Variants in DMD observed in about 807,000 individuals in gnomAD.
DMD encodes the protein mutant dystrophin.
In DMD, 63 loss-of-function variants were observed where a neutral mutation model predicts 330.1. The observed-to-expected ratio is 0.19, with a 90% CI of 0.16 to 0.24. The LOEUF (loss-of-function observed/expected upper bound fraction) is 0.24. Ranked by LOEUF, DMD falls within the 10% of genes least tolerant of loss-of-function variation. The pLI is 1.00. For missense variants in DMD, 3,344 were observed against 2,684.1 expected, an observed-to-expected ratio of 1.25 and a Z score of -5.43; for synonymous variants, 1,223 against 959.8, an observed-to-expected ratio of 1.27 and a Z score of -5.07.
intron 7 of DMD, among the ~76,000 whole-genome samples, chrX:32,773,899 A>C (rs1264173605): frequency 9.0e-6 from 1 of 111,396 alleles, no homozygotes; most frequent in African/African-American, 3.3e-5. Flanking sequence ...CTTTAATTCC[A>C]TTTGAATTTC....
At chrX:33,177,755 T>C (rs1320711244) in intron 1 of DMD, among the ~76,000 whole-genome samples, 1 of 112,221 alleles carries the variant, frequency 8.9e-6, no homozygotes, top group Non-Finnish European at 1.9e-5. Flanking sequence ...AAGTATACAA[T>C]ACGGTATTGT....
intron 7 of DMD, among the ~76,000 whole-genome samples, chrX:32,705,076 C>A (rs766591299): frequency 9.0e-6 from 1 of 111,703 alleles, no homozygotes; most frequent in Non-Finnish European, 1.9e-5. Context: ...TGGCATTCAG[C>A]ACTGACTGCA....
intron 42 of DMD, among the ~76,000 whole-genome samples, chrX:32,291,968 C>T (rs1161191888): frequency 9.0e-6 from 1 of 111,599 alleles, no homozygotes; most frequent in African/African-American, 3.3e-5. Flanking sequence ...GATTTAAAAA[C>T]TTTTATCTCC....
rs770706970 is a variant in DMD, at chrX:32,486,856, T to C, written c.2623-1757A>G. On this transcript the variant is annotated intron_variant, in intron 20 of 78. Transcript: ENST00000357033. The stretch of plus-strand genomic sequence containing the variant: ...AACTTATACAAAAATCAATTCAAGA[T>C]GGATTAAAGATTTAAACGTTAGACC... Among the ~76,000 whole-genome samples the C allele has an allele frequency of 3.5e-3, 373 of 106,355 alleles. 3 individuals are homozygous for C. Among genetic ancestry groups the C allele is most frequent in the African/African-American group, 0.012 (352 of 29,557 alleles). The allele number at this position is 106,355 out of a possible 115,157, so 92.4% of individuals were successfully genotyped here. A position where few individuals can be genotyped will look rare whatever the true frequency, so the allele number is the denominator to read the frequency against.
intron 2 of DMD, among the ~76,000 whole-genome samples, chrX:32,880,925 C>G (rs148694912): frequency 2.7e-5 from 3 of 112,599 alleles, no homozygotes; most frequent in South Asian, 3.6e-4. Flanking sequence ...GCCTGGGCAA[C>G]GACAGCAAAA....
At chrX:32,719,905 C>T (rs61136601) in intron 7 of DMD, among the ~76,000 whole-genome samples, 12,594 of 109,520 alleles carry the variant, frequency 0.11, 1,553 homozygotes, top group African/African-American at 0.37. Context: ...GTTGTTATCC[C>T]AGCTTGCATG....
intron 1 of DMD, among the ~76,000 whole-genome samples, chrX:33,022,937 G>A (rs1569550128): frequency 9.0e-6 from 1 of 111,679 alleles, no homozygotes. Context: ...TGTGAATAGC[G>A]TCCTGGAATT....
intron 44 of DMD, among the ~76,000 whole-genome samples, chrX:32,105,971 C>T (rs1033731904): frequency 8.9e-6 from 1 of 111,756 alleles, no homozygotes; most frequent in Non-Finnish European, 1.9e-5. Context: ...TAATTGAAGG[C>T]TTTCAAAATT....
intron 9 of DMD, among the ~76,000 whole-genome samples, chrX:32,674,568 G>A (rs1447164275): frequency 2.7e-5 from 3 of 111,068 alleles, no homozygotes; most frequent in South Asian, 3.8e-4. Flanking sequence ...ATATGCGCTC[G>A]GTTTTTGTGC....
At chrX:31,134,769 C>T (rs2034995019) in intron 76 of DMD, among the ~76,000 whole-genome samples, 1 of 112,358 alleles carries the variant, frequency 8.9e-6, no homozygotes, top group South Asian at 3.7e-4. Context: ...ATGTGCCCCG[C>T]ACATAGAAAT....
intron 48 of DMD, among the ~76,000 whole-genome samples, chrX:31,871,742 G>A (rs1255058995): frequency 9.2e-6 from 1 of 108,142 alleles, no homozygotes; most frequent in African/African-American, 3.4e-5. Flanking sequence ...AAAAGGGCAT[G>A]TGCTCAAAAC....
intron 59 of DMD, among the ~76,000 whole-genome samples, chrX:31,473,547 C>T (rs182831027): frequency 2.6e-3 from 277 of 107,081 alleles, no homozygotes; most frequent in African/African-American, 8.7e-3. Flanking sequence ...TGGTGAAACC[C>T]CGTCTCTACT....
intron 54 of DMD, among the ~76,000 whole-genome samples, chrX:31,629,240 T>C (rs1038766483): frequency 5.4e-5 from 6 of 111,957 alleles, no homozygotes; most frequent in Non-Finnish European, 1.1e-4. Flanking sequence ...AAAACTGCAA[T>C]TTATTTCAGC....
chrX:33,281,436 T>C (rs926134350), intron 1 of DMD, among the ~76,000 whole-genome samples: 9 of 111,537 alleles, frequency 8.1e-5, no homozygotes, highest in South Asian at 3.8e-4. Context: ...CTTGAACTCC[T>C]GACCTCAGGT....
At chrX:32,767,324 AT>A (rs1208911826) in intron 7 of DMD, among the ~76,000 whole-genome samples, 1 of 110,943 alleles carries the variant, frequency 9.0e-6, no homozygotes, top group Non-Finnish European at 1.9e-5. Context: ...TTTCCTTTAT[AT>A]TTTCTTTAGT....
At chrX:32,717,990 T>A (rs911051494) in intron 7 of DMD, among the ~76,000 whole-genome samples, 1 of 111,833 alleles carries the variant, frequency 8.9e-6, no homozygotes, top group Non-Finnish European at 1.9e-5. Context: ...TGGAAGTAAC[T>A]CATTTTGATT....
intron 1 of DMD, among the ~76,000 whole-genome samples, chrX:33,283,923 C>G (rs1255372542): frequency 9.1e-6 from 1 of 109,940 alleles, no homozygotes; most frequent in African/African-American, 3.3e-5. Context: ...GAGGCTGAGG[C>G]AGGAGAATGG....
intron 2 of DMD, among the ~76,000 whole-genome samples, chrX:32,862,883 C>T (rs868376292): frequency 4.5e-5 from 5 of 109,959 alleles, no homozygotes; most frequent in African/African-American, 3.3e-5. Flanking sequence ...ATTACAGGCG[C>T]GAGCCACTAC....
intron 48 of DMD, among the ~76,000 whole-genome samples, chrX:31,861,645 T>A (rs1370754580): frequency 1.8e-4 from 17 of 95,344 alleles, no homozygotes; most frequent in South Asian, 1.0e-3. Flanking sequence ...CACCTGTGTG[T>A]GTGTGTGTGT....
Sources: gnomAD v4.1 joint callset for allele counts (sites outside exome capture counted in the v4.1 genomes callset) on GRCh38, gnomAD v4.1.1 for gene constraint, MANE v1.5 for transcripts, NCBI Gene and HGNC (gene_info 2026-07-23, HGNC 2026-07-21) for gene names.